The following AP3B1 variants were observed in gnomAD, a reference collection of about 807,000 sequenced individuals.
AP3B1 encodes the protein AP-3 complex subunit beta-1.
In AP3B1, 61 loss-of-function variants were observed where a neutral mutation model predicts 132.5. That is an observed-to-expected ratio of 0.46 (90% confidence interval 0.37 to 0.57). The LOEUF (loss-of-function observed/expected upper bound fraction) is 0.57. AP3B1 is among the 20% of genes least tolerant of loss of function. AP3B1 has a pLI of 0.00. For synonymous variants in AP3B1, 388 were observed against 438.3 expected, an observed-to-expected ratio of 0.89 and a Z score of 1.43; for missense variants, 1,120 against 1,289.4, an observed-to-expected ratio of 0.87 and a Z score of 2.01.
chr5:78,055,606 G>A (rs1748777711), intron 22 of AP3B1, among the ~76,000 whole-genome samples: 1 of 152,126 alleles, frequency 6.6e-6, no homozygotes, highest in African/African-American at 2.4e-5. Flanking sequence ...ATTCTTCAGT[G>A]TCATTTCTGT....
At chr5:78,201,250 G>T (rs943520009) in intron 7 of AP3B1, among the ~76,000 whole-genome samples, 1 of 152,274 alleles carries the variant, frequency 6.6e-6, no homozygotes, top group Non-Finnish European at 1.5e-5. Context: ...AGACTGACAG[G>T]TTCTTGCGGA....
At chr5:78,192,860 T>C (rs12152739) in intron 7 of AP3B1, among the ~76,000 whole-genome samples, 43,703 of 152,040 alleles carry the variant, frequency 0.29, 6,672 homozygotes, top group Admixed American at 0.39. Context: ...CCTCACCAGA[T>C]ACCAAATCTG....
intron 2 of AP3B1, among the ~76,000 whole-genome samples, chr5:78,259,847 G>A (rs1353477305): frequency 2.0e-5 from 3 of 152,062 alleles, no homozygotes; most frequent in Non-Finnish European, 2.9e-5. Flanking sequence ...GTGGGCGCCT[G>A]TAATCCCAGC....
intron 7 of AP3B1, among the ~76,000 whole-genome samples, chr5:78,202,416 C>T (rs1480940097): frequency 1.3e-5 from 2 of 152,112 alleles, no homozygotes; most frequent in African/African-American, 4.8e-5. Context: ...CTCATAACAT[C>T]ACCCTCATGG....
At chr5:78,093,718 T>G (rs1750637979) in intron 21 of AP3B1, among the ~76,000 whole-genome samples, 1 of 152,252 alleles carries the variant, frequency 6.6e-6, no homozygotes, top group African/African-American at 2.4e-5. Flanking sequence ...AGCACCAGCA[T>G]CATCACTAAA....
At chr5:78,129,575 A>G (rs1019130099) in intron 15 of AP3B1, among the ~76,000 whole-genome samples, 1 of 152,094 alleles carries the variant, frequency 6.6e-6, no homozygotes, top group African/African-American at 2.4e-5. Context: ...AGGCATCATT[A>G]AAAAAATAAT....
chr5:78,250,330 G>A (rs915430373), intron 2 of AP3B1, among the ~76,000 whole-genome samples: 2 of 152,140 alleles, frequency 1.3e-5, no homozygotes, highest in Non-Finnish European at 2.9e-5. Flanking sequence ...CAGAAAAACA[G>A]TGAAGAACTT....
intron 1 of AP3B1, among the ~76,000 whole-genome samples, chr5:78,293,128 C>T (rs1378418641): frequency 6.6e-6 from 1 of 152,174 alleles, no homozygotes; most frequent in African/African-American, 2.4e-5. Context: ...ATCCGCCCAC[C>T]TCACCCTCCC....
intron 22 of AP3B1, among the ~76,000 whole-genome samples, chr5:78,054,782 C>T (rs955538152): frequency 3.3e-5 from 5 of 151,812 alleles, no homozygotes; most frequent in South Asian, 2.1e-4. Context: ...GAGGTCCTGG[C>T]GATAAGGAAA....
At chr5:78,006,599 T>C (rs1746407237) in intron 26 of AP3B1, among the ~76,000 whole-genome samples, 1 of 152,140 alleles carries the variant, frequency 6.6e-6, no homozygotes, top group South Asian at 2.1e-4. Context: ...TGAATGGAGC[T>C]GTAACACAGG....
At chr5:78,277,443 AAGC>A (rs1318125927) in intron 1 of AP3B1, among the ~76,000 whole-genome samples, 1 of 152,188 alleles carries the variant, frequency 6.6e-6, no homozygotes, top group Admixed American at 6.5e-5. Flanking sequence ...AGAAGGAAGA[AAGC>A]AGGGAGGAAC....
chr5:78,294,653 G>C lies in AP3B1; in HGVS notation c.-74C>G, dbSNP rs565007382. On this transcript the variant is annotated 5_prime_UTR_variant, in exon 1 of 27. Transcript: ENST00000255194. Reference sequence around the variant, plus strand: ...CAAAAGGTTCCAGTCCAGAGGGCACGGAACAAAACTAGTTCTCGTACGGAG... The same window carrying C: ...CAAAAGGTTCCAGTCCAGAGGGCACCGAACAAAACTAGTTCTCGTACGGAG... The C allele has an allele frequency of 1.2e-6, 2 of 1,607,208 alleles. No homozygotes were observed. The highest frequency in any genetic ancestry group is 4.5e-5 in the East Asian group (2 of 44,816).
chr5:78,156,251 T>A lies in AP3B1; in HGVS notation c.1473+7A>T. On this transcript the variant is annotated splice_region_variant and intron_variant, in intron 14 of 26. Transcript: ENST00000255194. ...AATTCAGCAAACATCTCTTAATTGA[T>A]ACTCACAGTGATACTGTCCAGGAGT... 6.3e-7 allele frequency: 1 copy of A among 1,581,616 alleles called. No homozygotes were observed. Among genetic ancestry groups the A allele is most frequent in the Middle Eastern group, 1.7e-4 (1 of 5,996 alleles).
At chr5:78,203,937 C>A (rs1203682671) in intron 7 of AP3B1, among the ~76,000 whole-genome samples, 1 of 152,102 alleles carries the variant, frequency 6.6e-6, no homozygotes, top group East Asian at 1.9e-4. Context: ...TAGTTGGTTT[C>A]TTTGCATCAT....
chr5:78,046,371 T>C (rs145927704), intron 22 of AP3B1, among the ~76,000 whole-genome samples: 36 of 152,296 alleles, frequency 2.4e-4, no homozygotes, highest in African/African-American at 8.4e-4. Context: ...AACGCCTGCC[T>C]GATAATCTGA....
intron 22 of AP3B1, among the ~76,000 whole-genome samples, chr5:78,047,448 A>T (rs751509047): frequency 2.0e-5 from 3 of 152,160 alleles, no homozygotes; most frequent in Non-Finnish European, 2.9e-5. Flanking sequence ...TTCTCTAATG[A>T]CCAGTGATGA....
Position 78,258,250 on chromosome 5 carries a change from C to T in AP3B1, c.204+9270G>A, listed in dbSNP as rs986494216. Among the ~76,000 whole-genome samples, 5 of 152,136 alleles carry T rather than the reference C, an allele frequency of 3.3e-5. No individual in the cohort carries two copies. The South Asian group carries it at 8.3e-4, about 25-fold the overall frequency. ...CTCATAGAATGGGAGAAAATATTTGCAAACTATCCATCTCACAAGAGATTT... is the reference window on the plus strand; with the variant it reads ...CTCATAGAATGGGAGAAAATATTTGTAAACTATCCATCTCACAAGAGATTT... On this transcript the variant is annotated intron_variant, in intron 2 of 26. Transcript: ENST00000255194.
intron 20 of AP3B1, among the ~76,000 whole-genome samples, chr5:78,103,274 C>A (rs1205363409): frequency 6.6e-6 from 1 of 152,130 alleles, no homozygotes; most frequent in Non-Finnish European, 1.5e-5. Context: ...ATTTGCAATT[C>A]ATCTTGGTAA....
In AP3B1 at chr5:78,002,873, C is replaced by G; in HGVS notation, c.*29G>C. The G allele has an allele frequency of 6.2e-7, 1 of 1,614,080 alleles. No individual in the cohort carries two copies. Among genetic ancestry groups the G allele is most frequent in the Non-Finnish European group, 8.5e-7 (1 of 1,179,954 alleles). On this transcript the variant is annotated 3_prime_UTR_variant, in exon 27 of 27. Transcript: ENST00000255194. ...GGATGCCAGGCACTTTTGTTGTGTGCCAGATTCTAAAGTCCAGATGTAAGC... is the reference window on the plus strand; with the variant it reads ...GGATGCCAGGCACTTTTGTTGTGTGGCAGATTCTAAAGTCCAGATGTAAGC...
Sources: allele counts gnomAD v4.1 joint callset (sites outside exome capture counted in the v4.1 genomes callset), GRCh38; gene constraint gnomAD v4.1.1; transcripts MANE v1.5; gene names NCBI Gene and HGNC (gene_info 2026-07-23, HGNC 2026-07-21).